Variants in STK24 observed in about 807,000 individuals in gnomAD.
STK24 encodes the protein serine/threonine kinase 24.
Under a neutral mutation model 55.6 loss-of-function variants are expected in STK24, and 21 were observed. The ratio of observed to expected loss-of-function variants is 0.38; its 90% CI spans 0.27 to 0.54. STK24 has a LOEUF of 0.54. Ranked by LOEUF, STK24 falls within the 20% of genes least tolerant of loss-of-function variation. The pLI, the probability that STK24 is intolerant of heterozygous loss-of-function variation, is 0.79. For synonymous variants in STK24, 200 were observed against 215.2 expected (o/e 0.93, Z 0.62); for missense variants, 383 against 538.4 (o/e 0.71, Z 2.86).
In STK24 at chr13:98,466,644, T is replaced by C. The variant is rs1045672944; in HGVS notation, c.598-83A>G. 3.5e-6 allele frequency: 5 copies of C among 1,421,142 alleles called. No homozygotes were observed. In the African/African-American group the frequency reaches 7.1e-5, roughly 20 times the overall value. The allele number at this position is 1,421,142 out of a possible 1,614,324, so 88.0% of individuals were successfully genotyped here. ...TATTTAGGGGGAAAATGGTAACATGTCTCAATACTTCTGAGGTTTTGAAAA... is the reference window on the plus strand; with the variant it reads ...TATTTAGGGGGAAAATGGTAACATGCCTCAATACTTCTGAGGTTTTGAAAA... On this transcript the variant is annotated intron_variant, in intron 5 of 10. Coordinates refer to ENST00000539966, the MANE Select transcript of STK24 (RefSeq NM_001032296.4).
chr13:98,510,163 G>A (rs754495058), intron 2 of STK24, among the ~76,000 whole-genome samples: 2 of 152,238 alleles, frequency 1.3e-5, no homozygotes, highest in Non-Finnish European at 2.9e-5. Context: ...TGGACTCCCA[G>A]CACCAGAATG....
chr13:98,554,487 G>C (rs1169035899), intron 1 of STK24, among the ~76,000 whole-genome samples: 1 of 152,046 alleles, frequency 6.6e-6, no homozygotes, highest in Non-Finnish European at 1.5e-5. Context: ...TCAACTAAAA[G>C]CAAATCACCT....
chr13:98,541,037 C>G (rs193115316), intron 1 of STK24, among the ~76,000 whole-genome samples: 1 of 152,132 alleles, frequency 6.6e-6, no homozygotes, highest in Non-Finnish European at 1.5e-5. Context: ...TACCCCAGCA[C>G]CTGGACGCAT....
chr13:98,515,519 G>A (rs1302907331), intron 2 of STK24, among the ~76,000 whole-genome samples: 1 of 151,680 alleles, frequency 6.6e-6, no homozygotes, highest in Non-Finnish European at 1.5e-5. Context: ...AATATTGGGG[G>A]GGTGGGGGGA....
At chr13:98,487,959 C>A (rs140786621) in intron 2 of STK24, among the ~76,000 whole-genome samples, 1 of 152,046 alleles carries the variant, frequency 6.6e-6, no homozygotes, top group African/African-American at 2.4e-5. Context: ...ACAGTGTCAT[C>A]AAGTTTTATT....
At chr13:98,548,859 C>T (rs560997363) in intron 1 of STK24, among the ~76,000 whole-genome samples, 40 of 76,212 alleles carry the variant, frequency 5.2e-4, no homozygotes, top group East Asian at 7.3e-4. Flanking sequence ...GAGACTCTGT[C>T]TCAAAAAAAA....
intron 2 of STK24, among the ~76,000 whole-genome samples, chr13:98,493,362 C>G (rs962504813): frequency 6.6e-6 from 1 of 152,202 alleles, no homozygotes; most frequent in African/African-American, 2.4e-5. Context: ...TAAAAACATT[C>G]TGCTTAAACT....
intron 2 of STK24, among the ~76,000 whole-genome samples, chr13:98,496,829 G>T (rs1895268435): frequency 6.6e-6 from 1 of 152,166 alleles, no homozygotes; most frequent in South Asian, 2.1e-4. Context: ...ACAGAAACAG[G>T]ACAGACATTT....
rs1161862798 is a variant in STK24, at chr13:98,538,454, ACCTCAGGTGATCCTCCCGCCT to A, written c.43-19002_43-18982del. On this transcript the variant is annotated intron_variant, in intron 1 of 10. Coordinates refer to ENST00000539966, the MANE Select transcript of STK24 (RefSeq NM_001032296.4). Reference sequence around the variant, plus strand: ...TGGTCAAGCCGGTCTCAAACTCCTGACCTCAGGTGATCCTCCCGCCTTGGCCTCCCAAAGTGCTGGGATTAC... The same window carrying A: ...TGGTCAAGCCGGTCTCAAACTCCTGATGGCCTCCCAAAGTGCTGGGATTAC... Among the ~76,000 whole-genome samples, 78 of 151,802 alleles carry A rather than the reference ACCTCAGGTGATCCTCCCGCCT, an allele frequency of 5.1e-4. 1 individual carries two copies. Among genetic ancestry groups the A allele is most frequent in the African/African-American group, 1.8e-3 (75 of 41,404 alleles).
chr13:98,567,794 G>T (rs1897625022), intron 1 of STK24, among the ~76,000 whole-genome samples: 1 of 151,986 alleles, frequency 6.6e-6, no homozygotes, highest in Admixed American at 6.6e-5. Flanking sequence ...GAGGTAGAGG[G>T]GTCACACAGA....
intron 2 of STK24, among the ~76,000 whole-genome samples, chr13:98,503,722 CATAAAG>C (rs1895579997): frequency 6.6e-6 from 1 of 152,160 alleles, no homozygotes; most frequent in Non-Finnish European, 1.5e-5. Flanking sequence ...CCTTAGAAGT[CATAAAG>C]ATAATCTTAA....
At chr13:98,491,449 TAACATC>T (rs1468170537) in intron 2 of STK24, among the ~76,000 whole-genome samples, 2 of 152,172 alleles carry the variant, frequency 1.3e-5, no homozygotes, top group Admixed American at 6.5e-5. Flanking sequence ...AAGGCCGCTG[TAACATC>T]AACATCAACT....
intron 4 of STK24, 121 bp downstream of exon 4, chr13:98,475,129 A>T: frequency 7.1e-7 from 1 of 1,401,042 alleles, no homozygotes; most frequent in Non-Finnish European, 9.6e-7. Flanking sequence ...AAGCCAGCCC[A>T]GCCCAGGCAA....
Position 98,475,090 on chromosome 13 carries a change from G to A in STK24, c.440-112C>T, listed in dbSNP as rs561995502. On this transcript the variant is annotated intron_variant, in intron 4 of 10. Coordinates refer to ENST00000539966, the MANE Select transcript of STK24 (RefSeq NM_001032296.4). ...GGCGAACCCACCGAGCACAGGCACC[G>A]GGGCTACACTTTTTGTCAGACCCCC... 73 of 1,449,672 alleles carry A rather than the reference G, an allele frequency of 5.0e-5. No individual in the cohort carries two copies. In the South Asian group the frequency reaches 6.4e-4, roughly 13 times the overall value. The allele number at this position is 1,449,672 out of a possible 1,614,324, so 89.8% of individuals were successfully genotyped here. A position where few individuals can be genotyped will look rare whatever the true frequency, so the allele number is the denominator to read the frequency against.
chr13:98,458,496 C>T (rs1040903729), intron 9 of STK24, among the ~76,000 whole-genome samples: 12 of 152,214 alleles, frequency 7.9e-5, no homozygotes, highest in African/African-American at 2.9e-4. Context: ...CCTTGGAGGG[C>T]CAGTGGGTGT....
At chr13:98,567,449 G>A (rs1205790293) in intron 1 of STK24, among the ~76,000 whole-genome samples, 1 of 152,182 alleles carries the variant, frequency 6.6e-6, no homozygotes, top group Non-Finnish European at 1.5e-5. Flanking sequence ...TTAAGCAAGC[G>A]TTTCTCCAGA....
At chr13:98,555,880 C>T (rs1897277456) in intron 1 of STK24, among the ~76,000 whole-genome samples, 1 of 151,828 alleles carries the variant, frequency 6.6e-6, no homozygotes, top group Non-Finnish European at 1.5e-5. Context: ...GATGGGGTTT[C>T]ACCATGTTAG....
At chr13:98,568,976 G>A (rs151206180) in intron 1 of STK24, among the ~76,000 whole-genome samples, 3 of 152,094 alleles carry the variant, frequency 2.0e-5, no homozygotes, top group African/African-American at 7.2e-5. Context: ...GGGGGGAGGG[G>A]AATCAAAGAA....
chr13:98,460,329 T>C (rs1893647690), intron 9 of STK24, 43 bp downstream of exon 9: 2 of 1,546,826 alleles, frequency 1.3e-6, no homozygotes, highest in Admixed American at 1.7e-5. Flanking sequence ...AGCTTCTCCT[T>C]CCCCCTCCCC....
Sources: gnomAD v4.1 joint callset for allele counts (sites outside exome capture counted in the v4.1 genomes callset) on GRCh38, gnomAD v4.1.1 for gene constraint, MANE v1.5 for transcripts, NCBI Gene and HGNC (gene_info 2026-07-23, HGNC 2026-07-21) for gene names.